The following TBC1D19 variants were observed in gnomAD, a reference collection of about 807,000 sequenced individuals.
TBC1D19 encodes the protein TBC1 domain family, member 19.
In TBC1D19, 60 loss-of-function variants were observed where a neutral mutation model predicts 89.0. That is an observed-to-expected ratio of 0.67 (90% CI 0.55 to 0.84). The LOEUF (loss-of-function observed/expected upper bound fraction) is 0.84. Among genes scored for constraint, TBC1D19 ranks in the 40% least tolerant of loss-of-function variants. The probability of loss-of-function intolerance (pLI) is 0.00; values close to 1 mark genes in which losing one functional copy is unlikely to be tolerated. For missense variants in TBC1D19, 500 were observed against 610.8 expected, an observed-to-expected ratio of 0.82 and a Z score of 1.91; for synonymous variants, 189 against 199.7, an observed-to-expected ratio of 0.95 and a Z score of 0.45.
chr4:26,810,494 ACCCT>A, the TBC1D19 span, among the ~76,000 whole-genome samples: 1 of 151,502 alleles, frequency 6.6e-6, no homozygotes, highest in African/African-American at 2.4e-5. Flanking sequence ...ATCCAGCTTG[ACCCT>A]TCTCTGGTCC....
chr4:26,854,225 T>A, the TBC1D19 span, among the ~76,000 whole-genome samples: 74 of 152,344 alleles, frequency 4.9e-4, no homozygotes, highest in African/African-American at 1.7e-3. Flanking sequence ...CAGATATTTT[T>A]AAACAATTAA....
chr4:26,626,374 A>G (rs1053219055), intron 4 of TBC1D19, among the ~76,000 whole-genome samples: 1 of 152,168 alleles, frequency 6.6e-6, no homozygotes, highest in African/African-American at 2.4e-5. Flanking sequence ...ATATAAGTGC[A>G]TGAGTTTTCT....
chr4:26,820,578 A>G, the TBC1D19 span, among the ~76,000 whole-genome samples: 8 of 152,238 alleles, frequency 5.3e-5, no homozygotes, highest in African/African-American at 1.9e-4. Flanking sequence ...ACCACATTTT[A>G]AAAATCTATT....
chr4:26,735,513 A>G (rs902058767), intron 16 of TBC1D19, 26 bp downstream of exon 16: 15 of 1,544,192 alleles, frequency 9.7e-6, no homozygotes, highest in African/African-American at 1.4e-5. Context: ...AAAACATCAT[A>G]ATGTACACAA....
intron 3 of TBC1D19, among the ~76,000 whole-genome samples, chr4:26,615,617 C>A (rs988559765): frequency 6.6e-6 from 1 of 152,090 alleles, no homozygotes; most frequent in African/African-American, 2.4e-5. Context: ...CTCAGATGAA[C>A]CCCTATGCAC....
chr4:26,776,625 T>G, the TBC1D19 span, among the ~76,000 whole-genome samples: 1 of 152,180 alleles, frequency 6.6e-6, no homozygotes, highest in Non-Finnish European at 1.5e-5. Flanking sequence ...TGTTTTCTAT[T>G]TAGATACCTC....
At chr4:26,752,765 G>T (rs1390287086) in intron 19 of TBC1D19, among the ~76,000 whole-genome samples, 1 of 152,102 alleles carries the variant, frequency 6.6e-6, no homozygotes, top group Admixed American at 6.6e-5. Context: ...TATAAGTTTT[G>T]CATGTTAGCA....
At chr4:26,821,004 A>G in the TBC1D19 span, among the ~76,000 whole-genome samples, 1 of 152,140 alleles carries the variant, frequency 6.6e-6, no homozygotes, top group African/African-American at 2.4e-5. Flanking sequence ...TATTCACTCG[A>G]CTCAGCTTTC....
chr4:26,752,606 A>G (rs1719030086), intron 19 of TBC1D19, among the ~76,000 whole-genome samples: 1 of 152,116 alleles, frequency 6.6e-6, no homozygotes, highest in Admixed American at 6.5e-5. Context: ...TAGAGAATCC[A>G]CTACCATCAC....
chr4:26,824,290 T>G, the TBC1D19 span, among the ~76,000 whole-genome samples: 1 of 152,240 alleles, frequency 6.6e-6, no homozygotes, highest in Non-Finnish European at 1.5e-5. Context: ...GCCGGAAGCA[T>G]GTGAAGCAGT....
intron 18 of TBC1D19, among the ~76,000 whole-genome samples, chr4:26,747,173 C>T (rs1375835817): frequency 6.6e-6 from 1 of 152,130 alleles, no homozygotes; most frequent in Non-Finnish European, 1.5e-5. Context: ...GCACAATAAG[C>T]TTTATTTCTA....
the TBC1D19 span, among the ~76,000 whole-genome samples, chr4:26,786,660 T>G: frequency 6.1e-5 from 9 of 148,418 alleles, no homozygotes; most frequent in South Asian, 2.1e-4. Context: ...TGTAGGTTTT[T>G]GGGGATGGGC....
intron 1 of TBC1D19, among the ~76,000 whole-genome samples, chr4:26,603,922 G>T (rs1740790747): frequency 1.3e-5 from 2 of 151,928 alleles, no homozygotes; most frequent in Admixed American, 1.3e-4. Flanking sequence ...ACTTTTTCAT[G>T]ATTCCAAGCT....
rs575206512 is a variant in TBC1D19 at position 26,598,182 on chromosome 4, A to G, written c.99+13890A>G. Among the ~76,000 whole-genome samples, 125 of 152,336 alleles carry G rather than the reference A, an allele frequency of 8.2e-4. 1 individual carries two copies. Among genetic ancestry groups the G allele is most frequent in the Admixed American group, 2.3e-3 (35 of 15,296 alleles). Reference sequence around the variant, plus strand: ...AGAGATGATAGTATTACAAATAAGTATATACAGTCCATACATTCCCTTGTG... The same window carrying G: ...AGAGATGATAGTATTACAAATAAGTGTATACAGTCCATACATTCCCTTGTG... On this transcript the variant is annotated intron_variant, in intron 1 of 20. Transcript: ENST00000264866.
At chr4:26,845,570 T>C in the TBC1D19 span, among the ~76,000 whole-genome samples, 1 of 152,186 alleles carries the variant, frequency 6.6e-6, no homozygotes, top group Non-Finnish European at 1.5e-5. Flanking sequence ...ACTACTCTAC[T>C]TTCTTTCTCT....
the TBC1D19 span, among the ~76,000 whole-genome samples, chr4:26,831,304 A>G: frequency 1.3e-5 from 2 of 152,224 alleles, no homozygotes; most frequent in Non-Finnish European, 1.5e-5. Context: ...GAGAAATGCA[A>G]TCTCTTAAAG....
the TBC1D19 span, among the ~76,000 whole-genome samples, chr4:26,809,353 G>C: frequency 6.6e-6 from 1 of 152,296 alleles, no homozygotes; most frequent in Admixed American, 6.5e-5. Context: ...AGGGGACACT[G>C]TTTCTGCCTT....
the TBC1D19 span, among the ~76,000 whole-genome samples, chr4:26,837,238 G>A: frequency 6.6e-6 from 1 of 152,198 alleles, no homozygotes; most frequent in African/African-American, 2.4e-5. Flanking sequence ...ACTGGTTTTG[G>A]TAAGCAATAG....
intron 13 of TBC1D19, among the ~76,000 whole-genome samples, chr4:26,704,395 T>C (rs1715570086): frequency 6.6e-6 from 1 of 152,224 alleles, no homozygotes; most frequent in East Asian, 1.9e-4. Flanking sequence ...CATGGAGATT[T>C]ACTCTTTCTG....
Sources: gnomAD v4.1 joint callset for allele counts (sites outside exome capture counted in the v4.1 genomes callset) on GRCh38, gnomAD v4.1.1 for gene constraint, MANE v1.5 for transcripts, NCBI Gene and HGNC (gene_info 2026-07-23, HGNC 2026-07-21) for gene names.